SV2C: variants seen among roughly 807,000 people sequenced by gnomAD.
The protein encoded by SV2C is solute carrier family 22 member B3.
In SV2C, 49 loss-of-function variants were observed where a neutral mutation model predicts 79.7. The ratio of observed to expected loss-of-function variants is 0.61; its 90% CI spans 0.49 to 0.78. The LOEUF (loss-of-function observed/expected upper bound fraction) is 0.78. SV2C is among the 30% of genes least tolerant of loss of function. The pLI, the probability that SV2C is intolerant of heterozygous loss-of-function variation, is 0.00. For missense variants in SV2C, 833 were observed against 912.9 expected (o/e 0.91, Z 1.13); for synonymous variants, 334 against 333.2 (o/e 1.00, Z -0.03).
intron 1 of SV2C, among the ~76,000 whole-genome samples, chr5:76,087,317 A>G (rs1231679528): frequency 6.6e-6 from 1 of 152,232 alleles, no homozygotes; most frequent in Non-Finnish European, 1.5e-5. Flanking sequence ...TGCTTGCTAC[A>G]TCTTTTCCCA....
chr5:76,122,986 GA>G (rs1748575345), intron 1 of SV2C, among the ~76,000 whole-genome samples: 2 of 151,658 alleles, frequency 1.3e-5, no homozygotes, highest in Non-Finnish European at 2.9e-5. Context: ...GACCAATAAA[GA>G]AAAAAAGAGA....
At position 76,341,119 on chromosome 5, in the gene SV2C, C is replaced by T. The variant is rs12516036; in HGVS notation, c.2001-12011C>T. ...CTAATTTTTATATTTTTAGTACAGA[C>T]GGGTTTTCACCATGTTGGCCAGGCT... On this transcript the variant is annotated intron_variant, in intron 12 of 12. Coordinates refer to the SV2C transcript ENST00000322285. Among the ~76,000 whole-genome samples, 11 of 152,122 alleles carry T rather than the reference C, an allele frequency of 7.2e-5. 1 individual carries two copies. The highest frequency in any genetic ancestry group is 4.2e-4 in the South Asian group (2 of 4,816).
chr5:76,341,074 G>A (rs1749432503), intron 12 of SV2C, among the ~76,000 whole-genome samples: 1 of 152,014 alleles, frequency 6.6e-6, no homozygotes, highest in Non-Finnish European at 1.5e-5. Context: ...GGGATTTCAA[G>A]TGCCCACCAC....
chr5:76,169,682 G>C (rs12653182), intron 2 of SV2C, among the ~76,000 whole-genome samples: 16,984 of 152,190 alleles, frequency 0.11, 1,058 homozygotes, highest in Non-Finnish European at 0.13. Context: ...ACATTAAACC[G>C]ATTAAGGAAG....
the SV2C span, among the ~76,000 whole-genome samples, chr5:76,007,742 G>A: frequency 1.2e-4 from 19 of 152,084 alleles, no homozygotes; most frequent in Non-Finnish European, 4.4e-5. Context: ...TGCTCTCATC[G>A]AGCCTGTATT....
At chr5:76,181,039 A>G (rs1743704049) in intron 2 of SV2C, among the ~76,000 whole-genome samples, 1 of 152,082 alleles carries the variant, frequency 6.6e-6, no homozygotes. Flanking sequence ...CCTCCCAAGT[A>G]TGTTTCTTCA....
chr5:76,215,871 AG>A (rs1167535675), intron 4 of SV2C, among the ~76,000 whole-genome samples: 2 of 152,100 alleles, frequency 1.3e-5, no homozygotes, highest in Non-Finnish European at 2.9e-5. Flanking sequence ...TCGTGGACAA[AG>A]GTGTTCGCTG....
At chr5:75,901,397 A>G in the SV2C span, among the ~76,000 whole-genome samples, 2 of 152,174 alleles carry the variant, frequency 1.3e-5, no homozygotes, top group South Asian at 4.2e-4. Context: ...CTGCAGAACA[A>G]TGGATTTTCA....
At chr5:76,291,995 T>C in intron 8 of SV2C, 139 bp downstream of exon 8, 1 of 623,162 alleles carries the variant, frequency 1.6e-6, no homozygotes, top group Non-Finnish European at 2.8e-6. Flanking sequence ...TTAGGTTTGC[T>C]GAGAGTTATG....
chr5:75,870,643 C>T, the SV2C span, among the ~76,000 whole-genome samples: 1 of 152,088 alleles, frequency 6.6e-6, no homozygotes, highest in South Asian at 2.1e-4. Flanking sequence ...AGAAAAATAT[C>T]AATATCCAAG....
chr5:75,967,507 G>A, the SV2C span, among the ~76,000 whole-genome samples: 1 of 152,160 alleles, frequency 6.6e-6, no homozygotes, highest in Non-Finnish European at 1.5e-5. Context: ...TTAACAAATG[G>A]CACACCAGGA....
At chr5:75,890,219 T>G in the SV2C span, among the ~76,000 whole-genome samples, 5 of 152,114 alleles carry the variant, frequency 3.3e-5, no homozygotes, top group East Asian at 9.6e-4. Context: ...AGCGTGCCAC[T>G]GTTCTTTCAT....
At chr5:75,917,003 T>A in the SV2C span, among the ~76,000 whole-genome samples, 1 of 152,188 alleles carries the variant, frequency 6.6e-6, no homozygotes, top group Non-Finnish European at 1.5e-5. Context: ...CGTCTCCAAA[T>A]GCTCCCCAGA....
At chr5:76,259,174 T>C (rs914498893) in intron 4 of SV2C, among the ~76,000 whole-genome samples, 8 of 152,244 alleles carry the variant, frequency 5.3e-5, no homozygotes, top group African/African-American at 1.9e-4. Context: ...GCCTCACTTC[T>C]GCTTATGTTT....
At chr5:76,289,073 C>T (rs999655838) in intron 6 of SV2C, among the ~76,000 whole-genome samples, 1 of 151,920 alleles carries the variant, frequency 6.6e-6, no homozygotes, top group Non-Finnish European at 1.5e-5. Flanking sequence ...AGATAATTAA[C>T]AACAGGTCTC....
chr5:75,884,950 G>A, the SV2C span, among the ~76,000 whole-genome samples: 6 of 152,062 alleles, frequency 3.9e-5, no homozygotes, highest in African/African-American at 2.4e-5. Context: ...CATTTAAGAT[G>A]CTAAATAACA....
intron 4 of SV2C, among the ~76,000 whole-genome samples, chr5:76,269,215 C>T (rs1746765926): frequency 6.6e-6 from 1 of 152,168 alleles, no homozygotes; most frequent in Non-Finnish European, 1.5e-5. Flanking sequence ...AACCCTTCTT[C>T]CCAAGGTCAT....
intron 4 of SV2C, among the ~76,000 whole-genome samples, chr5:76,221,981 T>C (rs868786357): frequency 6.6e-6 from 1 of 152,232 alleles, no homozygotes; most frequent in African/African-American, 2.4e-5. Flanking sequence ...CGTGAATACA[T>C]TTTATAGTAT....
Position 76,226,433 on chromosome 5 carries a change from G to A in SV2C, c.913+16546G>A, listed in dbSNP as rs189367934. Among the ~76,000 whole-genome samples, 209 of 152,184 alleles carry A rather than the reference G, an allele frequency of 1.4e-3. 1 individual carries two copies. The highest frequency in any genetic ancestry group is 4.9e-3 in the African/African-American group (204 of 41,528). ...CATACAGATATTAAAGCCCAGTTTG[G>A]CCAGATCTGATTTCCAAAAAAAAGG... On this transcript the variant is annotated intron_variant, in intron 4 of 12. Coordinates refer to ENST00000502798, the MANE Select transcript of SV2C (RefSeq NM_014979.4).
Sources: allele counts gnomAD v4.1 joint callset (sites outside exome capture counted in the v4.1 genomes callset), GRCh38; gene constraint gnomAD v4.1.1; transcripts MANE v1.5; gene names NCBI Gene and HGNC (gene_info 2026-07-23, HGNC 2026-07-21).